INTS4: variants seen among roughly 807,000 people sequenced by gnomAD.
The protein encoded by INTS4 is MSTP093.
INTS4 carries 70 observed loss-of-function variants against 119.5 expected under a neutral mutation model. That is an observed-to-expected ratio of 0.59 (90% CI 0.48 to 0.71). The LOEUF is 0.71. Among genes scored for constraint, INTS4 ranks in the 30% least tolerant of loss-of-function variants. The pLI is 0.00. For missense variants in INTS4, 867 were observed against 1,173.2 expected (o/e 0.74, Z 3.81); for synonymous variants, 316 against 419.6 (o/e 0.75, Z 3.02).
At chr11:77,875,891 T>A (rs547120536), downstream of INTS4, among the ~76,000 whole-genome samples, 1 of 152,094 alleles carries the variant, frequency 6.6e-6, no homozygotes, top group South Asian at 2.1e-4. Flanking sequence ...TCTGTTCAAG[T>A]GGAGTACAGA....
intron 3 of INTS4, among the ~76,000 whole-genome samples, chr11:77,980,916 C>T (rs928602494): frequency 6.6e-6 from 1 of 151,856 alleles, no homozygotes; most frequent in African/African-American, 2.4e-5. Flanking sequence ...TGACGTGAAC[C>T]CGGGAGGCAG....
At chr11:77,883,292 T>G (rs1253504659) in intron 22 of INTS4, among the ~76,000 whole-genome samples, 1 of 152,172 alleles carries the variant, frequency 6.6e-6, no homozygotes. Flanking sequence ...GACTGAGGTC[T>G]TCTTAAGTTT....
Position 77,928,525 on chromosome 11 carries a change from C to G in INTS4, c.1188G>C (p.Glu396Asp). The G allele has an allele frequency of 6.3e-7, 1 of 1,587,760 alleles. No individual in the cohort carries two copies. The highest frequency in any genetic ancestry group is 8.6e-7 in the Non-Finnish European group (1 of 1,165,614). ...EMYEVRIAAV[E>D]ALCMLAQSSP... is the part of the protein sequence containing the mutation. ...AAGACTGGGCCAACATGCAGAGGGC[C>G]TCCACAGCAGCAATACGAACCTCTA... The change falls in exon 11 of 23, where the codon GAG (glutamate) becomes GAC (aspartate). Residue 396 changes from glutamate (E) to aspartate (D), a missense_variant. Physicochemically the swap from Glu to Asp is conservative, Grantham distance 45 (BLOSUM62 2). Transcript: ENST00000534064.
chr11:77,954,701 A>G (rs1425643103), intron 8 of INTS4, among the ~76,000 whole-genome samples: 1 of 152,136 alleles, frequency 6.6e-6, no homozygotes, highest in African/African-American at 2.4e-5. Flanking sequence ...TCAGTTCACA[A>G]TAGGGTTCAC....
rs775390637 is a variant in INTS4 at position 77,891,302 on chromosome 11, A to G, written c.2592+17T>C. 2 of 1,607,644 alleles carry G rather than the reference A, an allele frequency of 1.2e-6. No individual in the cohort carries two copies. Among genetic ancestry groups the G allele is most frequent in the South Asian group, 1.1e-5 (1 of 90,044 alleles). On this transcript the variant is annotated intron_variant, in intron 21 of 22. Transcript: ENST00000534064. ...ATGTCAGTCTAGAAGCTCCATGAGGACCCAAACCCGACAGACCTGGACCTT... is the reference window on the plus strand; with the variant it reads ...ATGTCAGTCTAGAAGCTCCATGAGGGCCCAAACCCGACAGACCTGGACCTT...
chr11:77,890,722 A>G (rs533941443), intron 21 of INTS4, among the ~76,000 whole-genome samples: 1 of 152,330 alleles, frequency 6.6e-6, no homozygotes. Context: ...AATAGAGTAA[A>G]CACGATTGCA....
intron 2 of INTS4, among the ~76,000 whole-genome samples, chr11:77,984,894 A>G (rs1412040772): frequency 3.6e-5 from 4 of 110,300 alleles, no homozygotes; most frequent in East Asian, 2.9e-4. Context: ...AAAGGGGGGG[A>G]AAAGAAAATA....
intron 8 of INTS4, among the ~76,000 whole-genome samples, chr11:77,948,005 A>G (rs1954089101): frequency 6.6e-6 from 1 of 152,080 alleles, no homozygotes; most frequent in Non-Finnish European, 1.5e-5. Context: ...CACCATGCCC[A>G]GCTGATTTCT....
chr11:77,958,607 G>A, intron 7 of INTS4, 139 bp downstream of exon 7: 3 of 611,562 alleles, frequency 4.9e-6, no homozygotes, highest in South Asian at 2.0e-5. Flanking sequence ...GATTTTCAGG[G>A]CCTGTGCTTT....
intron 10 of INTS4, 150 bp downstream of exon 10, chr11:77,938,501 T>C: frequency 3.8e-6 from 3 of 791,376 alleles, no homozygotes; most frequent in Non-Finnish European, 3.8e-6. Context: ...GGCCTCAGTC[T>C]CTTCTGTGTG....
intron 8 of INTS4, among the ~76,000 whole-genome samples, chr11:77,955,441 C>T (rs12279880): frequency 0.19 from 29,157 of 151,248 alleles, 2,848 homozygotes; most frequent in Middle Eastern, 0.24. Context: ...GAAATGTGCT[C>T]ATTTAAAAAA....
intron 22 of INTS4, among the ~76,000 whole-genome samples, chr11:77,883,620 A>C (rs546437667): frequency 1.2e-4 from 19 of 152,112 alleles, no homozygotes; most frequent in Non-Finnish European, 2.6e-4. Flanking sequence ...ACAGAATCTT[A>C]TCTCTCATGC....
rs149007597 is a variant in INTS4, at chr11:77,994,568, G to T, written c.54+22C>A. 419 of 1,585,536 alleles carry T rather than the reference G, an allele frequency of 2.6e-4. 1 individual carries two copies. The African/African-American group carries it at 4.8e-3, about 18-fold the overall frequency. The stretch of plus-strand genomic sequence containing the variant: ...TCTACCCTGGTCCGGATCGGTTCTG[G>T]ATCTTTCCCGCCAGAGCTTACCTGA... On this transcript the variant is annotated intron_variant, in intron 1 of 22. Transcript: ENST00000534064.
At position 77,903,533 on chromosome 11, in the gene INTS4, A is replaced by T. The variant is rs545738228; in HGVS notation, c.2097+7T>A. 5.6e-6 allele frequency: 9 copies of T among 1,613,386 alleles called. No individual in the cohort carries two copies. In the African/African-American group the frequency reaches 1.2e-4, roughly 22 times the overall value. ...CCTATTTGAAGGGAAGGTCTGAATA[A>T]GCTTACCTGTTTCGCTGCTGCTGAG... On this transcript the variant is annotated splice_region_variant and intron_variant, in intron 17 of 22. Coordinates refer to ENST00000534064, the MANE Select transcript of INTS4 (RefSeq NM_033547.4).
chr11:77,991,604 G>A (rs1317102097), intron 1 of INTS4, among the ~76,000 whole-genome samples: 2 of 151,634 alleles, frequency 1.3e-5, no homozygotes, highest in Non-Finnish European at 2.9e-5. Context: ...GCCCAGGCTG[G>A]TCTTAACTCC....
At chr11:77,877,730 C>G (rs1951637148), downstream of INTS4, among the ~76,000 whole-genome samples, 1 of 151,752 alleles carries the variant, frequency 6.6e-6, no homozygotes, top group South Asian at 2.1e-4. Context: ...GGAGCACTGA[C>G]TGTTATATCA....
chr11:77,965,542 C>T (rs1282897501), intron 4 of INTS4, among the ~76,000 whole-genome samples: 1 of 152,142 alleles, frequency 6.6e-6, no homozygotes, highest in Admixed American at 6.6e-5. Context: ...TCTTTGAGTT[C>T]AACTTTTTAA....
intron 10 of INTS4, among the ~76,000 whole-genome samples, chr11:77,933,200 G>A (rs528391831): frequency 1.3e-4 from 19 of 151,202 alleles, no homozygotes; most frequent in African/African-American, 3.6e-4. Flanking sequence ...GTCCCTCTCC[G>A]TCCCCCTCTC....
intron 19 of INTS4, among the ~76,000 whole-genome samples, chr11:77,892,721 T>C (rs1161317617): frequency 6.6e-6 from 1 of 152,152 alleles, no homozygotes; most frequent in African/African-American, 2.4e-5. Flanking sequence ...TAGCTGGGAC[T>C]ACAGCTGCCC....
Sources: gnomAD v4.1 joint callset for allele counts (sites outside exome capture counted in the v4.1 genomes callset) on GRCh38, gnomAD v4.1.1 for gene constraint, MANE v1.5 for transcripts, NCBI Gene and HGNC (gene_info 2026-07-23, HGNC 2026-07-21) for gene names.